OTOGL: variants seen among roughly 807,000 people sequenced by gnomAD.
The protein encoded by OTOGL is otogelin-like protein.
A neutral mutation model predicts 318.5 loss-of-function variants in OTOGL; 285 were observed. That is an observed-to-expected ratio of 0.89 (90% CI 0.81 to 0.99). The LOEUF (loss-of-function observed/expected upper bound fraction) is 0.99. Among genes scored for constraint, OTOGL ranks in the 50% least tolerant of loss-of-function variants. OTOGL has a pLI of 0.00. For synonymous variants in OTOGL, 987 were observed against 936.5 expected (o/e 1.05, Z -0.99); for missense variants, 2,899 against 2,845.6 (o/e 1.02, Z -0.43).
chr12:80,136,741 C>T (rs1459391916), intron 1 of OTOGL, among the ~76,000 whole-genome samples: 1 of 152,172 alleles, frequency 6.6e-6, no homozygotes, highest in Non-Finnish European at 1.5e-5. Flanking sequence ...TTGCTATCTT[C>T]ATCCTATTCC....
Position 80,271,681 on chromosome 12 carries a change from A to G in OTOGL, c.2552A>G (p.Asp851Gly). 4 of 1,613,026 alleles carry G rather than the reference A, an allele frequency of 2.5e-6. No individual in the cohort carries two copies. Among genetic ancestry groups the G allele is most frequent in the Non-Finnish European group, 3.4e-6 (4 of 1,179,402 alleles). Reference sequence around the variant, plus strand: ...TGCCCAGAGGGAAAAGAGTATTTCGACTGCAGGTTTCCTGACCCTGAATTA... The same window carrying G: ...TGCCCAGAGGGAAAAGAGTATTTCGGCTGCAGGTTTCCTGACCCTGAATTA... ...HICPEGKEYFDCRFPDPELPA... is the reference protein window; with the variant it reads ...HICPEGKEYFGCRFPDPELPA... The change falls in exon 24 of 59, where the codon GAC becomes GGC. Residue 851 changes from aspartate to glycine, a missense_variant. Coordinates refer to ENST00000547103, the MANE Select transcript of OTOGL (RefSeq NM_001378609.3).
chr12:80,127,941 C>T (rs931785507), intron 1 of OTOGL, among the ~76,000 whole-genome samples: 1 of 152,156 alleles, frequency 6.6e-6, no homozygotes, highest in Non-Finnish European at 1.5e-5. Flanking sequence ...AGCCATTCAT[C>T]TAATCTTTTT....
chr12:80,263,529 A>T (rs1882711345), intron 19 of OTOGL, among the ~76,000 whole-genome samples: 1 of 152,114 alleles, frequency 6.6e-6, no homozygotes, highest in South Asian at 2.1e-4. Flanking sequence ...CTGGATATAT[A>T]AACTATTTAT....
chr12:80,172,186 TTTTC>T (rs1415793837), intron 1 of OTOGL, among the ~76,000 whole-genome samples: 8 of 152,292 alleles, frequency 5.3e-5, no homozygotes, highest in Non-Finnish European at 7.3e-5. Context: ...TCTTTGGCTG[TTTTC>T]TTTACTTGAA....
chr12:80,129,006 G>A lies in OTOGL; in HGVS notation c.-20+29401G>A, dbSNP rs182659383. ...TGCTTCCTGGGTGAGGTGATGCCTCGCCCTGCTTTGGCTCACGCTCGGTGC... is the reference window on the plus strand; with the variant it reads ...TGCTTCCTGGGTGAGGTGATGCCTCACCCTGCTTTGGCTCACGCTCGGTGC... On this transcript the variant is annotated intron_variant, in intron 1 of 58. Coordinates refer to ENST00000547103, the MANE Select transcript of OTOGL (RefSeq NM_001378609.3). Among the ~76,000 whole-genome samples the A allele has an allele frequency of 4.3e-3, 652 of 152,204 alleles. 2 individuals are homozygous for A. Among genetic ancestry groups the A allele is most frequent in the Middle Eastern group, 0.01 (3 of 294 alleles).
At chr12:80,175,913 G>C (rs1874495765) in intron 1 of OTOGL, among the ~76,000 whole-genome samples, 1 of 152,182 alleles carries the variant, frequency 6.6e-6, no homozygotes, top group Admixed American at 6.5e-5. Context: ...CTTGAAGACA[G>C]AAAACAAAGC....
chr12:80,365,502 A>G (rs887972213), intron 52 of OTOGL, among the ~76,000 whole-genome samples: 2 of 152,142 alleles, frequency 1.3e-5, no homozygotes, highest in Non-Finnish European at 2.9e-5. Context: ...TATGGCTTTA[A>G]CTATTAAAAA....
chr12:80,181,347 C>CTT (rs932807637), intron 1 of OTOGL, among the ~76,000 whole-genome samples: 1 of 151,708 alleles, frequency 6.6e-6, no homozygotes, highest in African/African-American at 2.4e-5. Context: ...CTCTCTCTCT[C>CTT]TCTCTCTGTA....
chr12:80,364,178 A>G (rs534569859), intron 52 of OTOGL, among the ~76,000 whole-genome samples: 2 of 152,276 alleles, frequency 1.3e-5, no homozygotes, highest in East Asian at 3.9e-4. Flanking sequence ...CATCTTACCC[A>G]AATATACATA....
chr12:80,123,823 A>G (rs1399413527), intron 1 of OTOGL, among the ~76,000 whole-genome samples: 3 of 152,066 alleles, frequency 2.0e-5, no homozygotes, highest in African/African-American at 7.2e-5. Context: ...TCTTTTGGCT[A>G]CATAAATGTC....
chr12:80,239,061 T>C (rs1880134870), intron 10 of OTOGL, 83 bp downstream of exon 10: 16 of 1,372,136 alleles, frequency 1.2e-5, no homozygotes, highest in Middle Eastern at 3.7e-4. Context: ...CATTTTTTAG[T>C]GTAAACACAA....
At chr12:80,126,287 T>G (rs1555269572) in intron 1 of OTOGL, among the ~76,000 whole-genome samples, 2 of 152,240 alleles carry the variant, frequency 1.3e-5, no homozygotes, top group Non-Finnish European at 2.9e-5. Context: ...CTGCCTTCAT[T>G]TCATTATGTA....
intron 1 of OTOGL, among the ~76,000 whole-genome samples, chr12:80,181,630 A>ATTTTTTT (rs61577097): frequency 1.4e-5 from 2 of 147,462 alleles, no homozygotes; most frequent in Admixed American, 6.8e-5. Context: ...GAGGATCAAG[A>ATTTTTTT]TTTTTTTTTT....
intron 37 of OTOGL, among the ~76,000 whole-genome samples, chr12:80,330,593 A>G (rs564861757): frequency 2.7e-4 from 41 of 152,346 alleles, no homozygotes; most frequent in Non-Finnish European, 5.7e-4. Context: ...AATATTCAAC[A>G]TTATCTCAAA....
intron 1 of OTOGL, among the ~76,000 whole-genome samples, chr12:80,187,768 T>A (rs1413233117): frequency 1.3e-5 from 2 of 152,156 alleles, no homozygotes; most frequent in Non-Finnish European, 2.9e-5. Context: ...TGCCCACACC[T>A]CTTGGAGGAG....
At chr12:80,323,938 T>C in intron 35 of OTOGL, 98 bp downstream of exon 35, 1 of 840,076 alleles carries the variant, frequency 1.2e-6, no homozygotes, top group Non-Finnish European at 1.9e-6. Flanking sequence ...CATTCTCAAG[T>C]TGTATATGCT....
intron 44 of OTOGL, among the ~76,000 whole-genome samples, chr12:80,344,902 A>G (rs1048070062): frequency 1.3e-5 from 2 of 149,906 alleles, no homozygotes; most frequent in Non-Finnish European, 3.0e-5. Flanking sequence ...TATAGTTTGA[A>G]TATCTTTCAA....
At chr12:80,307,559 G>T (rs1326611421) in intron 29 of OTOGL, among the ~76,000 whole-genome samples, 5 of 147,114 alleles carry the variant, frequency 3.4e-5, no homozygotes, top group Non-Finnish European at 4.5e-5. Flanking sequence ...CTGGCCGGGT[G>T]GGGGGCTGAC....
intron 18 of OTOGL, among the ~76,000 whole-genome samples, chr12:80,260,685 G>C (rs971546663): frequency 6.6e-6 from 1 of 152,096 alleles, no homozygotes; most frequent in South Asian, 2.1e-4. Flanking sequence ...GAGCTGAAAC[G>C]TTATTTTATA....
Sources: gnomAD v4.1 joint callset for allele counts (sites outside exome capture counted in the v4.1 genomes callset) on GRCh38, gnomAD v4.1.1 for gene constraint, MANE v1.5 for transcripts, NCBI Gene and HGNC (gene_info 2026-07-23, HGNC 2026-07-21) for gene names.